Variants in CACNA2D3 observed in about 807,000 individuals in gnomAD.
CACNA2D3 encodes calcium voltage-gated channel auxiliary subunit alpha2delta 3, also known as voltage-dependent calcium channel subunit alpha-2/delta-3.
In CACNA2D3, 60 loss-of-function variants were observed where a neutral mutation model predicts 160.6. That is an observed-to-expected ratio of 0.37 (90% CI 0.30 to 0.46). The LOEUF is 0.46. Ranked by LOEUF, CACNA2D3 falls within the 20% of genes least tolerant of loss-of-function variation. The probability of loss-of-function intolerance (pLI) is 1.00; values close to 1 mark genes in which losing one functional copy is unlikely to be tolerated. For synonymous variants in CACNA2D3, 558 were observed against 492.9 expected (o/e 1.13, Z -1.75); for missense variants, 1,205 against 1,365.0 (o/e 0.88, Z 1.85).
intron 2 of CACNA2D3, among the ~76,000 whole-genome samples, chr3:54,124,380 T>G (rs1167695480): frequency 6.6e-6 from 1 of 152,144 alleles, no homozygotes; most frequent in African/African-American, 2.4e-5. Flanking sequence ...AAAATGGGTC[T>G]GGGAGGAGAG....
chr3:54,413,416 A>G (rs1699702799), intron 4 of CACNA2D3, among the ~76,000 whole-genome samples: 1 of 138,326 alleles, frequency 7.2e-6, no homozygotes, highest in Non-Finnish European at 1.6e-5. Flanking sequence ...ATCTATATAT[A>G]TAGATATCTA....
At chr3:54,286,134 CT>C (rs1284043346) in intron 2 of CACNA2D3, among the ~76,000 whole-genome samples, 3 of 152,046 alleles carry the variant, frequency 2.0e-5, no homozygotes, top group Non-Finnish European at 4.4e-5. Flanking sequence ...CTACTCCGAG[CT>C]ACAGGAGGAA....
intron 9 of CACNA2D3, among the ~76,000 whole-genome samples, chr3:54,612,947 G>A (rs1313043702): frequency 1.3e-5 from 2 of 152,256 alleles, no homozygotes; most frequent in South Asian, 2.1e-4. Context: ...GTGGCTCAGG[G>A]ATACAGGAAA....
rs75063919 is a variant in CACNA2D3 at position 54,209,514 on chromosome 3, A to G, written c.204+85920A>G. Among the ~76,000 whole-genome samples, 343 of 152,376 alleles carry G rather than the reference A, an allele frequency of 2.3e-3. 2 individuals are homozygous for G. The highest frequency in any genetic ancestry group is 7.1e-3 in the African/African-American group (295 of 41,598). ...GAGTGAGGCTGAAAGGAGTTCACGC[A>G]TTAAATTACATTTTCAGTGTTCTGT... is the stretch of plus-strand genomic sequence containing the variant. On this transcript the variant is annotated intron_variant, in intron 2 of 37. Transcript: ENST00000474759.
chr3:55,020,781 G>A (rs1172114973), intron 35 of CACNA2D3, among the ~76,000 whole-genome samples: 2 of 151,744 alleles, frequency 1.3e-5, no homozygotes, highest in East Asian at 3.9e-4. Flanking sequence ...AACTCAGGAG[G>A]TGGAGGTTGC....
At chr3:54,968,360 T>C in intron 27 of CACNA2D3, 90 bp from the exon 28 acceptor site, 1 of 825,960 alleles carries the variant, frequency 1.2e-6, no homozygotes, top group Non-Finnish European at 2.0e-6. Context: ...TATATCAGCT[T>C]CTTGCCATGA....
rs753861131 is a variant in CACNA2D3 at position 54,317,339 on chromosome 3, G to T, written c.205-3103G>T. Reference sequence around the variant, plus strand: ...GGAAGGTCACTCTTTGCCTTACTGTGTTGAGTGTTGCTGTAACAGATTATC... The same window carrying T: ...GGAAGGTCACTCTTTGCCTTACTGTTTTGAGTGTTGCTGTAACAGATTATC... On this transcript the variant is annotated intron_variant, in intron 2 of 37. Transcript: ENST00000474759. 4.7e-4 allele frequency among the ~76,000 whole-genome samples: 71 copies of T among 152,212 alleles called. 1 individual carries two copies. Among genetic ancestry groups the T allele is most frequent in the Admixed American group, 3.7e-3 (56 of 15,284 alleles).
chr3:54,480,891 G>T (rs1442770090), intron 4 of CACNA2D3, among the ~76,000 whole-genome samples: 2 of 152,208 alleles, frequency 1.3e-5, no homozygotes, highest in Non-Finnish European at 2.9e-5. Flanking sequence ...GAAAGTTGAA[G>T]ATTCATCCAG....
At chr3:54,415,013 C>T (rs572085247) in intron 4 of CACNA2D3, among the ~76,000 whole-genome samples, 6 of 151,978 alleles carry the variant, frequency 3.9e-5, no homozygotes, top group South Asian at 2.1e-4. Flanking sequence ...GTGTTTCAGA[C>T]GTCAAAAACT....
chr3:54,536,740 AG>A lies in CACNA2D3; in HGVS notation c.545-26058del, dbSNP rs529512462. On this transcript the variant is annotated intron_variant, in intron 5 of 37. Coordinates refer to ENST00000474759, the MANE Select transcript of CACNA2D3 (RefSeq NM_018398.3). Reference sequence around the variant, plus strand: ...TCCTAGCCAAGAATGGGGTGAGATGAGGACCCTGGGCATTTCTGCAGAGCAT... The same window carrying A: ...TCCTAGCCAAGAATGGGGTGAGATGAGACCCTGGGCATTTCTGCAGAGCAT... 6.2e-4 allele frequency among the ~76,000 whole-genome samples: 95 copies of A among 152,314 alleles called. 1 individual carries two copies. In the South Asian group the frequency reaches 0.019, roughly 31 times the overall value.
At chr3:54,833,600 A>AG (rs1263837734) in intron 14 of CACNA2D3, among the ~76,000 whole-genome samples, 1 of 151,944 alleles carries the variant, frequency 6.6e-6, no homozygotes, top group African/African-American at 2.4e-5. Context: ...GAAAAAAAAA[A>AG]CAAAACTTGC....
intron 29 of CACNA2D3, among the ~76,000 whole-genome samples, chr3:54,974,387 A>G (rs756537365): frequency 6.6e-6 from 1 of 152,206 alleles, no homozygotes; most frequent in Non-Finnish European, 1.5e-5. Flanking sequence ...GGAGTGTTAG[A>G]AAGACTTTGT....
At chr3:54,185,304 C>G (rs1700860756) in intron 2 of CACNA2D3, among the ~76,000 whole-genome samples, 1 of 151,836 alleles carries the variant, frequency 6.6e-6, no homozygotes, top group South Asian at 2.1e-4. Flanking sequence ...AGAAGAGGAG[C>G]TTTTGGAACA....
chr3:54,928,154 G>T, intron 27 of CACNA2D3: 1 of 521,508 alleles, frequency 1.9e-6, no homozygotes, highest in Non-Finnish European at 3.4e-6. Context: ...TTGGGATCGT[G>T]CCCCTCTTCT....
At chr3:54,296,588 T>G (rs1703347490) in intron 2 of CACNA2D3, among the ~76,000 whole-genome samples, 1 of 152,196 alleles carries the variant, frequency 6.6e-6, no homozygotes, top group Non-Finnish European at 1.5e-5. Context: ...GCTCACATTA[T>G]CCTCTAATAA....
chr3:54,982,686 G>C (rs1702531976), intron 29 of CACNA2D3, among the ~76,000 whole-genome samples: 1 of 151,872 alleles, frequency 6.6e-6, no homozygotes, highest in South Asian at 2.1e-4. Context: ...GAGCATCCTT[G>C]AGGGCTGCTG....
intron 31 of CACNA2D3, among the ~76,000 whole-genome samples, chr3:55,003,532 T>TTCTA (rs1437323965): frequency 6.6e-6 from 1 of 152,138 alleles, no homozygotes; most frequent in Admixed American, 6.5e-5. Flanking sequence ...CATAGTAGAA[T>TTCTA]GGTTACCCAG....
At chr3:54,157,695 G>A (rs1040397691) in intron 2 of CACNA2D3, among the ~76,000 whole-genome samples, 1 of 152,118 alleles carries the variant, frequency 6.6e-6, no homozygotes, top group Non-Finnish European at 1.5e-5. Context: ...GGAGGCTGAG[G>A]CAGGAGGATC....
intron 5 of CACNA2D3, among the ~76,000 whole-genome samples, chr3:54,518,349 G>A (rs1701588564): frequency 6.6e-6 from 1 of 152,182 alleles, no homozygotes. Context: ...TAGAGAGAGG[G>A]TAGGGGAAGT....
Sources: gnomAD v4.1 joint callset for allele counts (sites outside exome capture counted in the v4.1 genomes callset) on GRCh38, gnomAD v4.1.1 for gene constraint, MANE v1.5 for transcripts, NCBI Gene and HGNC (gene_info 2026-07-23, HGNC 2026-07-21) for gene names.